Variants in GRIK1 observed in about 807,000 individuals in gnomAD.
The protein encoded by GRIK1 is glutamate receptor ionotropic, kainate 1.
Under a neutral mutation model 105.7 loss-of-function variants are expected in GRIK1, and 69 were observed. The observed-to-expected ratio is 0.65, with a 90% CI of 0.54 to 0.80. The LOEUF is 0.80. GRIK1 is among the 30% of genes least tolerant of loss of function. The probability of loss-of-function intolerance (pLI) is 0.00; values close to 1 mark genes in which losing one functional copy is unlikely to be tolerated. For missense variants in GRIK1, 1,109 were observed against 1,167.3 expected (o/e 0.95, Z 0.73); for synonymous variants, 438 against 431.3 (o/e 1.02, Z -0.19).
chr21:29,659,964 A>G (rs2062930656), intron 4 of GRIK1, among the ~76,000 whole-genome samples: 1 of 152,126 alleles, frequency 6.6e-6, no homozygotes, highest in Non-Finnish European at 1.5e-5. Context: ...CTCTGTTTCA[A>G]AACAAAACAA....
intron 14 of GRIK1, among the ~76,000 whole-genome samples, chr21:29,574,339 A>G (rs1039199534): frequency 6.6e-6 from 1 of 152,240 alleles, no homozygotes; most frequent in Non-Finnish European, 1.5e-5. Context: ...TCTTGAAGGA[A>G]GTAGAATCTT....
chr21:29,742,003 C>CCT (rs955706567), intron 1 of GRIK1, among the ~76,000 whole-genome samples: 4 of 152,128 alleles, frequency 2.6e-5, no homozygotes, highest in Non-Finnish European at 4.4e-5. Flanking sequence ...GGTACAATGG[C>CCT]CTCATTTACA....
At chr21:29,939,123 C>A (rs1569234598) in intron 1 of GRIK1, among the ~76,000 whole-genome samples, 1 of 152,156 alleles carries the variant, frequency 6.6e-6, no homozygotes, top group Non-Finnish European at 1.5e-5. Flanking sequence ...AACCTGGATC[C>A]CCGCACTCTA....
At chr21:29,620,496 A>G (rs904384102) in intron 7 of GRIK1, among the ~76,000 whole-genome samples, 2 of 152,132 alleles carry the variant, frequency 1.3e-5, no homozygotes, top group African/African-American at 2.4e-5. Flanking sequence ...AATAGAGGAC[A>G]TGCTGTACCC....
Position 29,931,213 on chromosome 21 carries a change from C to T in GRIK1, c.118+8170G>A, listed in dbSNP as rs142655872. Among the ~76,000 whole-genome samples the T allele has an allele frequency of 3.7e-4, 57 of 152,220 alleles. No homozygotes were observed. The South Asian group carries it at 4.1e-3, about 11-fold the overall frequency. On this transcript the variant is annotated intron_variant, in intron 1 of 17. Coordinates refer to ENST00000327783, the MANE Select transcript of GRIK1 (RefSeq NM_001330994.2). ...TAATGTCATTTTCTTGTTGCTGTTT[C>T]GGGATTGCATTCAGGATAGCACATT...
chr21:29,679,526 G>C (rs2063333351), intron 3 of GRIK1, among the ~76,000 whole-genome samples: 1 of 152,112 alleles, frequency 6.6e-6, no homozygotes, highest in Non-Finnish European at 1.5e-5. Flanking sequence ...GGTATTAACT[G>C]CCTGTTCTTA....
At chr21:29,760,490 G>T (rs1373403609) in intron 1 of GRIK1, 1 of 152,200 alleles carries the variant, frequency 6.6e-6, no homozygotes, top group Non-Finnish European at 1.5e-5. Context: ...GGTAGGGAGG[G>T]AAATTGTTGT....
intron 1 of GRIK1, among the ~76,000 whole-genome samples, chr21:29,823,862 T>A: frequency 6.6e-6 from 1 of 152,002 alleles, no homozygotes; most frequent in East Asian, 1.9e-4. Context: ...ATACATTTCT[T>A]CTTGAATATA....
intron 3 of GRIK1, among the ~76,000 whole-genome samples, chr21:29,688,705 G>A (rs2063530383): frequency 6.6e-6 from 1 of 152,182 alleles, no homozygotes; most frequent in Non-Finnish European, 1.5e-5. Flanking sequence ...TTGGGATTCA[G>A]TGCTTTTGCT....
Position 29,903,937 on chromosome 21 carries a change from T to C in GRIK1, c.118+35446A>G, listed in dbSNP as rs573004936. Among the ~76,000 whole-genome samples the C allele has an allele frequency of 6.8e-4, 103 of 152,308 alleles. No individual in the cohort carries two copies. In the East Asian group the frequency reaches 0.017, roughly 25 times the overall value. On this transcript the variant is annotated intron_variant, in intron 1 of 17. Coordinates refer to ENST00000327783, the MANE Select transcript of GRIK1 (RefSeq NM_001330994.2). ...GGCACATATACACCATGGAATACCA[T>C]GCAGCCATAAAAAAGGATGAGTTCA...
intron 1 of GRIK1, among the ~76,000 whole-genome samples, chr21:29,754,034 A>G (rs2065273307): frequency 6.6e-6 from 1 of 152,154 alleles, no homozygotes; most frequent in Non-Finnish European, 1.5e-5. Flanking sequence ...ACTCATTACC[A>G]AAACTGCAGT....
intron 1 of GRIK1, among the ~76,000 whole-genome samples, chr21:29,714,304 G>A (rs1227010307): frequency 6.6e-6 from 1 of 151,738 alleles, no homozygotes; most frequent in Non-Finnish European, 1.5e-5. Flanking sequence ...GGGTAATGAT[G>A]GATCTTAATA....
At chr21:29,701,214 A>G (rs2063805940) in intron 1 of GRIK1, among the ~76,000 whole-genome samples, 1 of 152,210 alleles carries the variant, frequency 6.6e-6, no homozygotes. Context: ...AGCAACAGAT[A>G]CGCATCTGAC....
intron 1 of GRIK1, among the ~76,000 whole-genome samples, chr21:29,863,991 C>G (rs557340309): frequency 5.3e-5 from 8 of 152,200 alleles, no homozygotes; most frequent in African/African-American, 1.9e-4. Context: ...TCGTTGTTGT[C>G]TAGGTCTGCC....
intron 1 of GRIK1, among the ~76,000 whole-genome samples, chr21:29,740,439 A>G (rs2064899029): frequency 6.6e-6 from 1 of 152,066 alleles, no homozygotes; most frequent in African/African-American, 2.4e-5. Context: ...GATGGTCTCA[A>G]TCTCCTGACC....
Position 29,903,665 on chromosome 21 carries a change from C to T in GRIK1, c.118+35718G>A, listed in dbSNP as rs551481965. Among the ~76,000 whole-genome samples the T allele has an allele frequency of 1.2e-4, 19 of 152,212 alleles. 1 individual carries two copies. The highest frequency in any genetic ancestry group is 1.2e-3 in the South Asian group (6 of 4,818). The stretch of plus-strand genomic sequence containing the variant: ...TGGAGAGGTTGTGGAAAAATAGAAA[C>T]GCTTTTATACTGTTGGTGGAAGTGT... On this transcript the variant is annotated intron_variant, in intron 1 of 17. Transcript: ENST00000327783.
intron 7 of GRIK1, among the ~76,000 whole-genome samples, chr21:29,640,050 C>T (rs1238897445): frequency 1.3e-5 from 2 of 151,950 alleles, no homozygotes; most frequent in African/African-American, 4.8e-5. Flanking sequence ...AAGTTTACCT[C>T]CTGTGATGAA....
At chr21:29,671,208 C>T (rs1427549882) in intron 4 of GRIK1, among the ~76,000 whole-genome samples, 3 of 151,920 alleles carry the variant, frequency 2.0e-5, no homozygotes, top group East Asian at 3.9e-4. Context: ...CTGCAACCTC[C>T]ACCTCCCAGG....
chr21:29,928,166 A>T (rs2071447910), intron 1 of GRIK1, among the ~76,000 whole-genome samples: 2 of 152,246 alleles, frequency 1.3e-5, no homozygotes, highest in South Asian at 4.1e-4. Context: ...AAGCAAAAAC[A>T]TCCTCACATT....
Sources: allele counts gnomAD v4.1 joint callset (sites outside exome capture counted in the v4.1 genomes callset), GRCh38; gene constraint gnomAD v4.1.1; transcripts MANE v1.5; gene names NCBI Gene and HGNC (gene_info 2026-07-23, HGNC 2026-07-21).